The following NSMCE2 variants were observed in gnomAD, a reference collection of about 807,000 sequenced individuals.
NSMCE2 encodes NSE2 SUMO ligase component of SMC5/6 complex.
NSMCE2 carries 24 observed loss-of-function variants against 23.8 expected under a neutral mutation model. That is an observed-to-expected ratio of 1.01 (90% CI 0.73 to 1.42). NSMCE2 has a LOEUF of 1.42. NSMCE2 is among the 40% of genes most tolerant of loss of function. The probability of loss-of-function intolerance (pLI) is 0.00; values close to 1 mark genes in which losing one functional copy is unlikely to be tolerated. For synonymous variants in NSMCE2, 92 were observed against 94.1 expected, an observed-to-expected ratio of 0.98 and a Z score of 0.13; for missense variants, 284 against 296.5, an observed-to-expected ratio of 0.96 and a Z score of 0.31.
At chr8:125,319,534 T>G (rs1462384696) in intron 5 of NSMCE2, among the ~76,000 whole-genome samples, 4 of 152,112 alleles carry the variant, frequency 2.6e-5, no homozygotes, top group African/African-American at 9.7e-5. Context: ...TGTGTGTGTG[T>G]GGGCAGTGGG....
At chr8:125,102,282 T>G (rs767764809) in intron 2 of NSMCE2, 35 bp from the exon 3 acceptor site, 1 of 1,444,752 alleles carries the variant, frequency 6.9e-7, no homozygotes, top group Non-Finnish European at 9.7e-7. Flanking sequence ...TTATTCTGAC[T>G]TACGAATCTT....
At chr8:125,366,397 G>A (rs1202920116) in intron 7 of NSMCE2, among the ~76,000 whole-genome samples, 1 of 152,072 alleles carries the variant, frequency 6.6e-6, no homozygotes, top group Non-Finnish European at 1.5e-5. Context: ...AAAATTAGCC[G>A]GGCGTGGTGG....
At chr8:125,283,418 A>G (rs1007837120) in intron 5 of NSMCE2, among the ~76,000 whole-genome samples, 2 of 152,178 alleles carry the variant, frequency 1.3e-5, no homozygotes, top group African/African-American at 2.4e-5. Context: ...CTGCACCTGC[A>G]GTCCCAGCTA....
Position 125,289,906 on chromosome 8 carries a change from C to G in NSMCE2, c.419-67313C>G. On this transcript the variant is annotated intron_variant, in intron 5 of 7. Coordinates refer to ENST00000287437, the MANE Select transcript of NSMCE2 (RefSeq NM_173685.4). ...TTTTTGTTTATGAGTACAAACACAC[C>G]ATTGATGTTTATAAGAATAATTATT... Among the ~76,000 whole-genome samples, 2 of 152,102 alleles carry G rather than the reference C, an allele frequency of 1.3e-5. 1 individual carries two copies. Among genetic ancestry groups the G allele is most frequent in the South Asian group, 4.1e-4 (2 of 4,830 alleles).
chr8:125,239,281 T>C (rs1825671694), intron 5 of NSMCE2, among the ~76,000 whole-genome samples: 1 of 152,164 alleles, frequency 6.6e-6, no homozygotes, highest in African/African-American at 2.4e-5. Flanking sequence ...CTTAGTGGAT[T>C]TGAAACAACA....
intron 5 of NSMCE2, among the ~76,000 whole-genome samples, chr8:125,343,360 T>C (rs1367154396): frequency 6.6e-6 from 1 of 152,260 alleles, no homozygotes; most frequent in Non-Finnish European, 1.5e-5. Flanking sequence ...AAACAAATTA[T>C]GATATCAGGT....
intron 5 of NSMCE2, among the ~76,000 whole-genome samples, chr8:125,341,965 G>C (rs1830269761): frequency 6.7e-6 from 1 of 148,702 alleles, no homozygotes; most frequent in South Asian, 2.2e-4. Flanking sequence ...GGGGGAAACA[G>C]CCACACAAAC....
chr8:125,345,297 C>A (rs565262321), intron 5 of NSMCE2, among the ~76,000 whole-genome samples: 1 of 152,126 alleles, frequency 6.6e-6, no homozygotes, highest in Non-Finnish European at 1.5e-5. Context: ...AATGGTATGA[C>A]CTACACGGTA....
intron 3 of NSMCE2, among the ~76,000 whole-genome samples, chr8:125,133,986 A>G (rs1819921258): frequency 6.6e-6 from 1 of 152,186 alleles, no homozygotes; most frequent in South Asian, 2.1e-4. Context: ...CCTCTGGGGC[A>G]GGACTCGAGA....
chr8:125,093,594 A>G (rs555565883), intron 1 of NSMCE2, among the ~76,000 whole-genome samples: 1 of 152,232 alleles, frequency 6.6e-6, no homozygotes, highest in Non-Finnish European at 1.5e-5. Flanking sequence ...GTCCTGGCAC[A>G]CACCTGTAAT....
chr8:125,313,206 GAAAGAAAGA>G (rs1376564041), intron 5 of NSMCE2, among the ~76,000 whole-genome samples: 9 of 146,924 alleles, frequency 6.1e-5, no homozygotes, highest in East Asian at 4.0e-4. Context: ...GAGAGAGAAA[GAAAGAAAGA>G]AAAGAAAGAA....
At chr8:125,226,860 C>A (rs1403269850) in intron 5 of NSMCE2, among the ~76,000 whole-genome samples, 1 of 152,110 alleles carries the variant, frequency 6.6e-6, no homozygotes, top group African/African-American at 2.4e-5. Context: ...CCTTAGTTTC[C>A]TCTTTTCTCT....
Position 125,366,806 on chromosome 8 carries a change from A to G in NSMCE2, c.665A>G (p.Lys222Arg). 1 of 1,613,050 alleles carries G rather than the reference A, an allele frequency of 6.2e-7. No homozygotes were observed. Among genetic ancestry groups the G allele is most frequent in the Non-Finnish European group, 8.5e-7 (1 of 1,178,954 alleles). Residue 222 changes from lysine (K) to arginine (R), a missense_variant, in exon 8 of 8, where the codon AAG becomes AGG. Physicochemically the swap from Lys to Arg is conservative, Grantham distance 26. This residue lies in a region of NSMCE2 where 102 missense variants were observed against 141.0 expected (regional missense o/e 0.72). Transcript: ENST00000287437. ...QIGCSHTDIR[K>R]SDLIQDEALR... Reference sequence around the variant, plus strand: ...GGCTGTAGCCACACGGATATAAGAAAGTCAGATCTTATCCAGGATGAAGCA... The same window carrying G: ...GGCTGTAGCCACACGGATATAAGAAGGTCAGATCTTATCCAGGATGAAGCA...
intron 3 of NSMCE2, among the ~76,000 whole-genome samples, chr8:125,105,297 A>C (rs1818406117): frequency 6.6e-6 from 1 of 152,136 alleles, no homozygotes; most frequent in African/African-American, 2.4e-5. Context: ...TCTGTTTTTG[A>C]TTATGTTTTT....
Position 125,251,013 on chromosome 8 carries a change from G to T in NSMCE2, c.418+68757G>T, listed in dbSNP as rs997290917. Among the ~76,000 whole-genome samples the T allele has an allele frequency of 9.2e-5, 14 of 152,034 alleles. 1 individual carries two copies. The highest frequency in any genetic ancestry group is 9.2e-4 in the Admixed American group (14 of 15,268). On this transcript the variant is annotated intron_variant, in intron 5 of 7. Transcript: ENST00000287437. ...AATATATTTTAATTTATGATATGCC[G>T]TGCAGAAAAATTATATAGCAGCTGT...
intron 5 of NSMCE2, among the ~76,000 whole-genome samples, chr8:125,267,718 A>C (rs1826993479): frequency 6.6e-6 from 1 of 152,172 alleles, no homozygotes; most frequent in African/African-American, 2.4e-5. Flanking sequence ...TTGAGGCTGC[A>C]GTGAGCCAAG....
chr8:125,338,933 G>A (rs1478268600), intron 5 of NSMCE2, among the ~76,000 whole-genome samples: 1 of 152,180 alleles, frequency 6.6e-6, no homozygotes, highest in Non-Finnish European at 1.5e-5. Flanking sequence ...CTAAATTCAC[G>A]CTCTGCCCTA....
intron 5 of NSMCE2, among the ~76,000 whole-genome samples, chr8:125,325,452 T>G (rs1829629096): frequency 6.6e-6 from 1 of 152,134 alleles, no homozygotes; most frequent in Non-Finnish European, 1.5e-5. Context: ...CTGGCTCAAG[T>G]CATCCTCTCA....
chr8:125,263,665 T>G (rs10956235), intron 5 of NSMCE2, among the ~76,000 whole-genome samples: 132,339 of 151,872 alleles, frequency 0.87, 57,831 homozygotes, highest in African/African-American at 0.94. Context: ...CAGGACAATC[T>G]CTTGAACCCG....
Sources: allele counts gnomAD v4.1 joint callset (sites outside exome capture counted in the v4.1 genomes callset), GRCh38; gene constraint gnomAD v4.1.1; regional missense constraint gnomAD v4.1.1; transcripts MANE v1.5; gene names NCBI Gene and HGNC (gene_info 2026-07-23, HGNC 2026-07-21).